TMEM273: variants seen among roughly 807,000 people sequenced by gnomAD.
TMEM273 encodes the protein chromosome 10 open reading frame 128.
Under a neutral mutation model 17.9 loss-of-function variants are expected in TMEM273, and 19 were observed. The observed-to-expected ratio is 1.06, with a 90% CI of 0.74 to 1.55. TMEM273 has a LOEUF of 1.55. TMEM273 is among the 40% of genes most tolerant of loss of function. TMEM273 has a pLI of 0.00. For missense variants in TMEM273, 194 were observed against 155.6 expected, an observed-to-expected ratio of 1.25 and a Z score of -1.31; for synonymous variants, 66 against 62.0, an observed-to-expected ratio of 1.07 and a Z score of -0.31.
rs746625346 is a variant in TMEM273, at chr10:49,166,900, G to A, written c.207C>T (p.Ser69=). Residue 69 remains serine, a synonymous_variant, in exon 3 of 7, where the codon TCC becomes TCT. Coordinates refer to ENST00000374153, the MANE Select transcript of TMEM273 (RefSeq NM_001288740.3). Reference sequence around the variant, plus strand: ...GGCCCCCAGGCGTGCTTTTCAGGTCGGAAGAGTCGTCGTCAAATAAGTGCC... The same window carrying A: ...GGCCCCCAGGCGTGCTTTTCAGGTCAGAAGAGTCGTCGTCAAATAAGTGCC... ...IRRHLFDDDS[S]DLKSTPGGLS... The A allele has an allele frequency of 8.5e-5, 137 of 1,613,990 alleles. No individual in the cohort carries two copies. The highest frequency in any genetic ancestry group is 1.8e-4 in the Admixed American group (11 of 60,030).
At chr10:49,165,924 G>A (rs945844278) in intron 3 of TMEM273, 128 bp from the exon 4 acceptor site, 4 of 1,182,550 alleles carry the variant, frequency 3.4e-6, no homozygotes, top group Non-Finnish European at 4.9e-6. Flanking sequence ...CCCGGGGCCT[G>A]GCTGCTATGT....
intron 1 of TMEM273, among the ~76,000 whole-genome samples, chr10:49,187,058 A>T (rs1008245214): frequency 6.6e-6 from 1 of 152,186 alleles, no homozygotes. Context: ...TCTTAAATTT[A>T]ACTTCCTTTT....
chr10:49,174,447 G>A (rs978348526), intron 1 of TMEM273, among the ~76,000 whole-genome samples: 43 of 152,324 alleles, frequency 2.8e-4, no homozygotes, highest in South Asian at 4.1e-4. Flanking sequence ...GGCTCTTGCC[G>A]GAGTCTAGAC....
chr10:49,185,613 A>G (rs573003146), intron 1 of TMEM273, among the ~76,000 whole-genome samples: 1 of 152,344 alleles, frequency 6.6e-6, no homozygotes, highest in Admixed American at 6.5e-5. Context: ...ACTGGAATTA[A>G]CAACATATAC....
At chr10:49,186,257 A>G (rs191436460) in intron 1 of TMEM273, among the ~76,000 whole-genome samples, 90 of 152,256 alleles carry the variant, frequency 5.9e-4, no homozygotes, top group African/African-American at 2.2e-3. Context: ...AATATATTGG[A>G]TATTGTTGGA....
intron 1 of TMEM273, among the ~76,000 whole-genome samples, chr10:49,174,430 A>G (rs755204212): frequency 5.9e-5 from 9 of 152,264 alleles, no homozygotes; most frequent in Non-Finnish European, 1.2e-4. Context: ...TACTTCCAGC[A>G]TCGCTCGGCT....
At chr10:49,158,680 A>G (rs1262365968) in intron 6 of TMEM273, among the ~76,000 whole-genome samples, 2 of 152,236 alleles carry the variant, frequency 1.3e-5, no homozygotes, top group African/African-American at 4.8e-5. Context: ...TAAAGCCTAG[A>G]AATACCCTAG....
chr10:49,172,887 C>T (rs953589514), intron 1 of TMEM273, among the ~76,000 whole-genome samples: 2 of 152,258 alleles, frequency 1.3e-5, no homozygotes, highest in Admixed American at 6.5e-5. Context: ...CTCCACGTGA[C>T]TCCCACAGGG....
chr10:49,177,160 G>A lies in TMEM273; in HGVS notation c.44-9198C>T, dbSNP rs184880782. On this transcript the variant is annotated intron_variant, in intron 1 of 6. Coordinates refer to ENST00000374153, the MANE Select transcript of TMEM273 (RefSeq NM_001288740.3). ...CTCCTGAGCCATCAGACTCACCAGC[G>A]AGTTCCCTTACCCAAGCCCTGGCTT... Among the ~76,000 whole-genome samples the A allele has an allele frequency of 2.4e-3, 358 of 152,336 alleles. 2 individuals carry two copies. Among genetic ancestry groups the A allele is most frequent in the African/African-American group, 8.1e-3 (338 of 41,572 alleles).
At chr10:49,171,954 C>T (rs1028834363) in intron 1 of TMEM273, among the ~76,000 whole-genome samples, 3 of 152,224 alleles carry the variant, frequency 2.0e-5, no homozygotes, top group Admixed American at 6.5e-5. Flanking sequence ...CAGAATCAGG[C>T]TGTGGGATTC....
intron 1 of TMEM273, among the ~76,000 whole-genome samples, chr10:49,180,108 TC>T (rs879417243): frequency 2.6e-5 from 4 of 152,192 alleles, no homozygotes; most frequent in Non-Finnish European, 5.9e-5. Context: ...GGGATCCTGC[TC>T]TTTCACCTGC....
chr10:49,167,124 G>A, intron 2 of TMEM273, 115 bp from the exon 3 acceptor site: 1 of 1,411,842 alleles, frequency 7.1e-7, no homozygotes, highest in Non-Finnish European at 9.6e-7. Flanking sequence ...CCCACTGGCT[G>A]AGGCCAGCCT....
At chr10:49,183,353 T>TTGTGTG (rs3079989) in intron 1 of TMEM273, among the ~76,000 whole-genome samples, 40,657 of 148,622 alleles carry the variant, frequency 0.27, 6,857 homozygotes, top group East Asian at 0.59. Context: ...AGGAAACAAA[T>TTGTGTG]TGTGTGTGTG....
rs1295729536 is a variant in TMEM273 at position 49,165,283 on chromosome 10, T to C, written c.270A>G (p.Arg90=). The C allele has an allele frequency of 5.8e-6, 9 of 1,550,440 alleles. No individual in the cohort carries two copies. The East Asian group carries it at 9.8e-5, about 17-fold the overall frequency. Residue 90 remains arginine, a splice_region_variant and synonymous_variant, in exon 5 of 7, where the codon AGA becomes AGG. Transcript: ENST00000374153. ...AAAAGAGGGTCGAGGCTTGCAGCTT[T>C]CTGGCAAAGAGCATTCCAATTACAG... The part of the protein sequence containing the change: ...DTIPLKKRAP[R]KLQASTLFSF...
chr10:49,164,711 T>C (rs1359360733), intron 5 of TMEM273, among the ~76,000 whole-genome samples: 1 of 152,164 alleles, frequency 6.6e-6, no homozygotes, highest in African/African-American at 2.4e-5. Context: ...TCCCTCTGCA[T>C]TCATGAGCTT....
At chr10:49,186,915 A>G (rs1432713936) in intron 1 of TMEM273, among the ~76,000 whole-genome samples, 1 of 152,226 alleles carries the variant, frequency 6.6e-6, no homozygotes, top group African/African-American at 2.4e-5. Flanking sequence ...CACCCAGCAC[A>G]TCGACACACT....
intron 1 of TMEM273, among the ~76,000 whole-genome samples, chr10:49,175,889 A>G (rs1220341847): frequency 6.6e-6 from 1 of 152,218 alleles, no homozygotes; most frequent in Non-Finnish European, 1.5e-5. Flanking sequence ...GGGCCAGATC[A>G]GAGGCCCCAC....
intron 6 of TMEM273, 109 bp downstream of exon 6, chr10:49,161,490 G>A (rs934253045): frequency 7.7e-5 from 110 of 1,419,980 alleles, no homozygotes; most frequent in African/African-American, 2.5e-4. Context: ...ATGGTTGCCC[G>A]TCCCACGTGG....
At chr10:49,178,733 T>G (rs1381125731) in intron 1 of TMEM273, among the ~76,000 whole-genome samples, 1 of 152,218 alleles carries the variant, frequency 6.6e-6, no homozygotes, top group Admixed American at 6.5e-5. Context: ...GTTCAAGAGC[T>G]TCTCCTTTTT....
Sources: allele counts gnomAD v4.1 joint callset (sites outside exome capture counted in the v4.1 genomes callset), GRCh38; gene constraint gnomAD v4.1.1; transcripts MANE v1.5; gene names NCBI Gene and HGNC (gene_info 2026-07-23, HGNC 2026-07-21).